The following PRR33 variants were observed in gnomAD, a reference collection of about 807,000 sequenced individuals.
The protein encoded by PRR33 is proline-rich protein 33.
Under a neutral mutation model 0.5 loss-of-function variants are expected in PRR33, and 1 was observed. The ratio of observed to expected loss-of-function variants is 2.18; its 90% CI spans 0.77 to 10.34. The LOEUF is 10.34. PRR33 is among the 30% of genes most tolerant of loss of function. The pLI is 0.13. For synonymous variants in PRR33, 226 were observed against 110.0 expected, an observed-to-expected ratio of 2.06 and a Z score of -6.60; for missense variants, 552 against 251.8, an observed-to-expected ratio of 2.19 and a Z score of -8.07.
the PRR33 span, among the ~76,000 whole-genome samples, chr11:1,907,235 G>A: frequency 6.6e-6 from 1 of 152,224 alleles, no homozygotes; most frequent in African/African-American, 2.4e-5. Context: ...ATCTCAGCCA[G>A]GAGTGGAAAT....
At chr11:1,895,368 A>G (rs1849113014), upstream of PRR33, among the ~76,000 whole-genome samples, 1 of 152,084 alleles carries the variant, frequency 6.6e-6, no homozygotes, top group South Asian at 2.1e-4. Flanking sequence ...CCTGACCTCA[A>G]GTGATCCGCC....
exon 1 of PRR33, chr11:1,888,941 C>T (rs1165124275): frequency 2.9e-5 from 14 of 486,888 alleles, no homozygotes; most frequent in South Asian, 2.1e-4. Context: ...CCAGCTCGTC[C>T]TCTCTGCCCC....
chr11:1,890,328 C>G (rs1589836617), exon 1 of PRR33: 1 of 712,950 alleles, frequency 1.4e-6, no homozygotes, highest in Non-Finnish European at 2.6e-6. Flanking sequence ...GGGGTGCGGG[C>G]CCTCAGCAGC....
chr11:1,910,810 T>G, the PRR33 span, among the ~76,000 whole-genome samples: 4 of 152,244 alleles, frequency 2.6e-5, no homozygotes, highest in Admixed American at 6.5e-5. Context: ...TCATCCACTT[T>G]GCAGTTTTAA....
exon 1 of PRR33, chr11:1,889,339 G>A (rs778750522): frequency 2.4e-5 from 17 of 710,924 alleles, no homozygotes; most frequent in Admixed American, 1.0e-4. Flanking sequence ...CCTGCCAGGC[G>A]CCCTTGGGCC....
chr11:1,894,224 AGTGTGTGT>A (rs71025790), upstream of PRR33, among the ~76,000 whole-genome samples: 15 of 127,734 alleles, frequency 1.2e-4, no homozygotes, highest in East Asian at 1.4e-3. Flanking sequence ...GGAGTGTGGG[AGTGTGTGT>A]GTGTGTGTGT....
chr11:1,897,066 C>T, the PRR33 span, among the ~76,000 whole-genome samples: 2 of 152,282 alleles, frequency 1.3e-5, no homozygotes, highest in African/African-American at 2.4e-5. This position sits in a 1 kb window ranked among gnomAD's most constrained non-coding sequence, Gnocchi z 4.0. Flanking sequence ...GCACAGAAAC[C>T]GCCAGAGGGG....
At chr11:1,914,545 T>C in the PRR33 span, among the ~76,000 whole-genome samples, 2 of 149,982 alleles carry the variant, frequency 1.3e-5, no homozygotes, top group Non-Finnish European at 3.0e-5. Context: ...TATGTGCCTA[T>C]GTGTGTTGTA....
At chr11:1,898,083 G>A in the PRR33 span, among the ~76,000 whole-genome samples, 42 of 152,278 alleles carry the variant, frequency 2.8e-4, no homozygotes, top group Non-Finnish European at 5.6e-4. Context: ...GCCACAAGAA[G>A]CATCGGCAAC....
At chr11:1,905,698 A>C in the PRR33 span, among the ~76,000 whole-genome samples, 1 of 146,260 alleles carries the variant, frequency 6.8e-6, no homozygotes, top group Non-Finnish European at 1.5e-5. Context: ...AAGCAATCCT[A>C]CCACCTTGGG....
chr11:1,912,327 G>A, the PRR33 span, among the ~76,000 whole-genome samples: 10 of 152,152 alleles, frequency 6.6e-5, no homozygotes, highest in South Asian at 1.7e-3. Flanking sequence ...GGAATGCAAG[G>A]TTCAATGTCT....
At chr11:1,898,361 G>C in the PRR33 span, among the ~76,000 whole-genome samples, 44 of 152,006 alleles carry the variant, frequency 2.9e-4, 2 homozygotes, top group Middle Eastern at 3.4e-3. Flanking sequence ...TCAGCCTCAC[G>C]ATTAGTTGAG....
the PRR33 span, among the ~76,000 whole-genome samples, chr11:1,914,376 A>ATG: frequency 7.4e-6 from 1 of 134,942 alleles, no homozygotes; most frequent in Non-Finnish European, 1.6e-5. Flanking sequence ...GTTGCTCCTT[A>ATG]TGTGTGTGTG....
At chr11:1,890,325 G>A (rs1302179162) in exon 1 of PRR33, 15 of 712,424 alleles carry the variant, frequency 2.1e-5, no homozygotes, top group Middle Eastern at 2.3e-4. Context: ...GGCGGGGTGC[G>A]GGCCCTCAGC....
chr11:1,890,833 G>A (rs757882373), exon 1 of PRR33: 8 of 561,742 alleles, frequency 1.4e-5, no homozygotes, highest in Non-Finnish European at 2.5e-5. Context: ...TCCCTCCAGG[G>A]ATGGGGCTAG....
chr11:1,889,517 C>T lies in PRR33; in HGVS notation c.1068G>A (p.Pro356=), dbSNP rs191489982. 6.2e-4 allele frequency: 385 copies of T among 618,552 alleles called. 2 individuals are homozygous for T. The East Asian group carries it at 8.3e-3, about 13-fold the overall frequency. 38.3% of individuals were successfully genotyped at this position (618,552 alleles called of 1,614,324 possible). Residue 356 remains proline (P), a synonymous_variant, in exon 1 of 1, where the codon CCG becomes CCA. Transcript: ENST00000640310. ...CCAGGCTCTGCCGCGGCTCTGGGCA[C>T]GGAGGCTCTGGGGCCTCCTCCAGCA...
the PRR33 span, among the ~76,000 whole-genome samples, chr11:1,909,991 T>C: frequency 1.4e-4 from 21 of 152,178 alleles, no homozygotes; most frequent in Admixed American, 1.4e-3. Flanking sequence ...ATTTTTCCTT[T>C]TGCAACTCTT....
At chr11:1,915,994 TTGTA>T in the PRR33 span, among the ~76,000 whole-genome samples, 4 of 150,104 alleles carry the variant, frequency 2.7e-5, no homozygotes, top group African/African-American at 4.9e-5. Flanking sequence ...GGGTAGGTGA[TTGTA>T]TGGGTGGTTG....
At chr11:1,897,857 C>T in the PRR33 span, among the ~76,000 whole-genome samples, 2 of 152,088 alleles carry the variant, frequency 1.3e-5, no homozygotes, top group East Asian at 1.9e-4. The surrounding 1 kb of genome is among the most constrained non-coding windows in gnomAD (Gnocchi z 4.0). Flanking sequence ...GAATGCAGAG[C>T]GCCAGGGAGA....
Sources: allele counts gnomAD v4.1 joint callset (sites outside exome capture counted in the v4.1 genomes callset), GRCh38; gene constraint gnomAD v4.1.1; non-coding constraint Gnocchi (gnomAD v3.1); transcripts MANE v1.5; gene names NCBI Gene and HGNC (gene_info 2026-07-23, HGNC 2026-07-21).